DOCK3: variants seen among roughly 807,000 people sequenced by gnomAD.
DOCK3 encodes the protein dedicator of cytokinesis 3.
Under a neutral mutation model 265.6 loss-of-function variants are expected in DOCK3, and 60 were observed. The ratio of observed to expected loss-of-function variants is 0.23; its 90% CI spans 0.18 to 0.28. The LOEUF (loss-of-function observed/expected upper bound fraction) is 0.28, where lower values mean the gene tolerates loss of function less well. Ranked by LOEUF, DOCK3 falls within the 10% of genes least tolerant of loss-of-function variation. The pLI is 1.00. For missense variants in DOCK3, 1,981 were observed against 2,594.3 expected (o/e 0.76, Z 5.14); for synonymous variants, 881 against 938.0 (o/e 0.94, Z 1.11).
intron 5 of DOCK3, among the ~76,000 whole-genome samples, chr3:50,971,700 CTTTA>C (rs75062017): frequency 0.072 from 10,892 of 152,220 alleles, 972 homozygotes; most frequent in East Asian, 0.33. Flanking sequence ...AGATAAAGGA[CTTTA>C]TTTACCAGAA....
rs1280954582 is a variant in DOCK3, at chr3:51,075,358, A to G, written c.467A>G (p.His156Arg). ...ITVRLDWGNE[H>R]LGLDLVPRKD... Reference sequence around the variant, plus strand: ...AGTGTGGTCTTTCTCTTTACTAGACATTTGGGCCTGGACCTGGTGCCTCGG... The same window carrying G: ...AGTGTGGTCTTTCTCTTTACTAGACGTTTGGGCCTGGACCTGGTGCCTCGG... The change falls in exon 7 of 53, where the codon CAT becomes CGT. Residue 156 changes from histidine (H) to arginine (R), a missense_variant and splice_region_variant. Physicochemically the swap from His to Arg is conservative, Grantham distance 29. Coordinates refer to ENST00000266037, the MANE Select transcript of DOCK3 (RefSeq NM_004947.5). 4.3e-6 allele frequency: 7 copies of G among 1,609,372 alleles called. No individual in the cohort carries two copies. The highest frequency in any genetic ancestry group is 5.9e-6 in the Non-Finnish European group (7 of 1,178,048).
chr3:50,713,699 T>C (rs1416061000), intron 1 of DOCK3, among the ~76,000 whole-genome samples: 1 of 151,848 alleles, frequency 6.6e-6, no homozygotes, highest in Non-Finnish European at 1.5e-5. Context: ...GATGCAGATA[T>C]CACATACTTA....
intron 12 of DOCK3, among the ~76,000 whole-genome samples, chr3:51,191,093 G>A (rs2087914469): frequency 6.6e-6 from 1 of 152,010 alleles, no homozygotes; most frequent in African/African-American, 2.4e-5. Flanking sequence ...TAAGTTCCAG[G>A]CTGTCTACAC....
intron 32 of DOCK3, among the ~76,000 whole-genome samples, chr3:51,329,815 A>C (rs2084398545): frequency 6.6e-6 from 1 of 152,230 alleles, no homozygotes; most frequent in South Asian, 2.1e-4. Flanking sequence ...GGGGGAAAAA[A>C]ACATCTGAAA....
intron 2 of DOCK3, among the ~76,000 whole-genome samples, chr3:50,821,039 A>T (rs1300164878): frequency 6.7e-6 from 1 of 150,118 alleles, no homozygotes; most frequent in Non-Finnish European, 1.5e-5. Context: ...TAGATTCTGG[A>T]TATTAGTCCT....
At chr3:50,762,784 C>T (rs531773501) in intron 1 of DOCK3, among the ~76,000 whole-genome samples, 2 of 151,982 alleles carry the variant, frequency 1.3e-5, no homozygotes, top group South Asian at 4.2e-4. Flanking sequence ...GAATAAATCC[C>T]GCTTCATCAT....
intron 1 of DOCK3, among the ~76,000 whole-genome samples, chr3:50,740,280 A>AT (rs2038931555): frequency 6.6e-6 from 1 of 152,140 alleles, no homozygotes; most frequent in East Asian, 1.9e-4. Flanking sequence ...TGATAGATAT[A>AT]TGGATTATTA....
chr3:50,974,204 A>T (rs1260438858), intron 5 of DOCK3, among the ~76,000 whole-genome samples: 1 of 151,994 alleles, frequency 6.6e-6, no homozygotes, highest in African/African-American at 2.4e-5. Context: ...TTAGACATGA[A>T]GTCCTTGCCC....
At chr3:50,986,501 A>G (rs2077907652) in intron 5 of DOCK3, among the ~76,000 whole-genome samples, 1 of 152,228 alleles carries the variant, frequency 6.6e-6, no homozygotes, top group Non-Finnish European at 1.5e-5. Context: ...CAGTTACACA[A>G]TGACATTATC....
intron 4 of DOCK3, among the ~76,000 whole-genome samples, chr3:50,904,703 A>AT (rs1477964895): frequency 6.6e-6 from 1 of 151,974 alleles, no homozygotes; most frequent in Non-Finnish European, 1.5e-5. Context: ...GATTGCAAAA[A>AT]TTTTTTCCCA....
At chr3:50,882,792 A>G (rs1448284412) in intron 3 of DOCK3, among the ~76,000 whole-genome samples, 2 of 152,252 alleles carry the variant, frequency 1.3e-5, no homozygotes, top group Admixed American at 1.3e-4. Context: ...ATTATAAATC[A>G]TGCTGCTATA....
intron 51 of DOCK3, among the ~76,000 whole-genome samples, chr3:51,378,733 T>A (rs1179124885): frequency 6.6e-6 from 1 of 152,180 alleles, no homozygotes; most frequent in Non-Finnish European, 1.5e-5. Context: ...GGTCCAGCCA[T>A]CATTCCTCTC....
At chr3:50,741,663 C>T (rs2039037933) in intron 1 of DOCK3, among the ~76,000 whole-genome samples, 1 of 149,776 alleles carries the variant, frequency 6.7e-6, no homozygotes, top group Non-Finnish European at 1.5e-5. Context: ...TTTTCTTAAT[C>T]CAGTCTATCA....
At chr3:50,917,149 C>G (rs2050172947) in intron 4 of DOCK3, among the ~76,000 whole-genome samples, 1 of 151,966 alleles carries the variant, frequency 6.6e-6, no homozygotes, top group South Asian at 2.1e-4. Context: ...CTTTTCTTGT[C>G]ATATCCTTTA....
At chr3:50,934,796 T>A (rs1346087620) in intron 5 of DOCK3, among the ~76,000 whole-genome samples, 1 of 151,966 alleles carries the variant, frequency 6.6e-6, no homozygotes, top group African/African-American at 2.4e-5. Flanking sequence ...CTCAGGAAAC[T>A]TAGAAAGTAG....
chr3:50,906,796 A>G (rs1165627560), intron 4 of DOCK3, among the ~76,000 whole-genome samples: 1 of 151,912 alleles, frequency 6.6e-6, no homozygotes, highest in Non-Finnish European at 1.5e-5. Flanking sequence ...GCCTTCTGCT[A>G]GCTTTTGAAT....
chr3:50,730,488 C>A (rs1576264899), intron 1 of DOCK3, among the ~76,000 whole-genome samples: 1 of 152,158 alleles, frequency 6.6e-6, no homozygotes, highest in East Asian at 1.9e-4. Flanking sequence ...CATTTTCTAA[C>A]TCATTTATTA....
chr3:50,972,108 T>G (rs6446240), intron 5 of DOCK3, among the ~76,000 whole-genome samples: 147,507 of 152,286 alleles, frequency 0.97, 71,636 homozygotes, highest in Middle Eastern at 1. Context: ...AATGTCTTCT[T>G]TGTGGAACTT....
At chr3:51,200,573 A>G (rs1019481905) in intron 12 of DOCK3, among the ~76,000 whole-genome samples, 5 of 151,932 alleles carry the variant, frequency 3.3e-5, no homozygotes, top group Admixed American at 1.3e-4. Context: ...GACGGGGAGA[A>G]TGGAACCAAG....
Sources: allele counts gnomAD v4.1 joint callset (sites outside exome capture counted in the v4.1 genomes callset), GRCh38; gene constraint gnomAD v4.1.1; transcripts MANE v1.5; gene names NCBI Gene and HGNC (gene_info 2026-07-23, HGNC 2026-07-21).